Variants in LRMDA observed in about 807,000 individuals in gnomAD.
The protein encoded by LRMDA is leucine rich melanocyte differentiation associated.
A neutral mutation model predicts 29.8 loss-of-function variants in LRMDA; 18 were observed. The observed-to-expected ratio is 0.60, with a 90% CI of 0.42 to 0.90. The LOEUF (loss-of-function observed/expected upper bound fraction) is 0.90, where lower values mean the gene tolerates loss of function less well. LRMDA is among the 40% of genes least tolerant of loss of function. The pLI is 0.00. For synonymous variants in LRMDA, 125 were observed against 109.4 expected, an observed-to-expected ratio of 1.14 and a Z score of -0.89; for missense variants, 273 against 273.9, an observed-to-expected ratio of 1.00 and a Z score of 0.02.
intron 2 of LRMDA, among the ~76,000 whole-genome samples, chr10:75,444,451 T>C (rs1844366012): frequency 6.6e-6 from 1 of 152,226 alleles, no homozygotes; most frequent in Non-Finnish European, 1.5e-5. Flanking sequence ...GATCTGATTC[T>C]TCCTGCTGTG....
chr10:76,428,065 C>CT (rs979154405), intron 6 of LRMDA, among the ~76,000 whole-genome samples: 41 of 151,246 alleles, frequency 2.7e-4, no homozygotes, highest in African/African-American at 5.8e-4. Flanking sequence ...CTAAAATTCT[C>CT]TTTTTTTTTG....
intron 5 of LRMDA, among the ~76,000 whole-genome samples, chr10:76,193,627 T>C (rs904275822): frequency 1.3e-5 from 2 of 152,190 alleles, no homozygotes; most frequent in African/African-American, 2.4e-5. Context: ...TTATTTTTTA[T>C]GTACTTCTAG....
At chr10:75,799,204 C>G (rs1250927841) in intron 2 of LRMDA, among the ~76,000 whole-genome samples, 1 of 152,006 alleles carries the variant, frequency 6.6e-6, no homozygotes, top group Non-Finnish European at 1.5e-5. Flanking sequence ...TTTCTTTTAC[C>G]TCTGTCTAGT....
At chr10:75,700,430 T>C (rs1264193513) in intron 2 of LRMDA, among the ~76,000 whole-genome samples, 1 of 151,528 alleles carries the variant, frequency 6.6e-6, no homozygotes, top group African/African-American at 2.4e-5. Flanking sequence ...TTATTTCCTT[T>C]CTCATTCTTT....
intron 2 of LRMDA, among the ~76,000 whole-genome samples, chr10:75,672,526 C>T (rs1430363313): frequency 0.1 from 114 of 1,106 alleles, 2 homozygotes; most frequent in Non-Finnish European, 0.15. Flanking sequence ...TTTTCTTTTC[C>T]TCCCCTCCCC....
At chr10:76,350,447 T>A (rs1841161996) in intron 6 of LRMDA, among the ~76,000 whole-genome samples, 1 of 152,086 alleles carries the variant, frequency 6.6e-6, no homozygotes, top group African/African-American at 2.4e-5. Flanking sequence ...CCGATTTTTT[T>A]TTTTTTTGGT....
intron 5 of LRMDA, among the ~76,000 whole-genome samples, chr10:76,261,878 T>C (rs1286525083): frequency 6.6e-6 from 1 of 152,124 alleles, no homozygotes; most frequent in Admixed American, 6.5e-5. Flanking sequence ...TAGAATGACA[T>C]TTGAGCAATC....
intron 5 of LRMDA, 142 bp from the exon 6 acceptor site, chr10:76,324,259 A>C: frequency 1.3e-6 from 1 of 762,696 alleles, no homozygotes; most frequent in Non-Finnish European, 2.3e-6. Context: ...CTCAACAAAA[A>C]CAGCTCTTGC....
intron 2 of LRMDA, among the ~76,000 whole-genome samples, chr10:75,990,252 G>A (rs913793817): frequency 6.6e-6 from 1 of 152,254 alleles, no homozygotes; most frequent in African/African-American, 2.4e-5. Flanking sequence ...AAACTGCTGC[G>A]TGTCAGATTC....
chr10:75,988,412 A>C (rs1847299969), intron 2 of LRMDA, among the ~76,000 whole-genome samples: 1 of 152,030 alleles, frequency 6.6e-6, no homozygotes. Flanking sequence ...TTCTACATTC[A>C]GCATGGGGCT....
intron 6 of LRMDA, among the ~76,000 whole-genome samples, chr10:76,414,270 T>C (rs918949384): frequency 9.2e-5 from 14 of 152,216 alleles, no homozygotes; most frequent in African/African-American, 3.1e-4. Context: ...GTATCACTAA[T>C]ATTTATGAGA....
intron 5 of LRMDA, among the ~76,000 whole-genome samples, chr10:76,275,049 G>A (rs1006419927): frequency 1.3e-5 from 2 of 152,044 alleles, no homozygotes; most frequent in African/African-American, 2.4e-5. Context: ...AACTGGCTGG[G>A]CTTTCTTCTA....
chr10:75,931,037 G>A (rs577676776), intron 2 of LRMDA, among the ~76,000 whole-genome samples: 13 of 152,142 alleles, frequency 8.5e-5, no homozygotes, highest in Non-Finnish European at 1.8e-4. Flanking sequence ...GAAACCCCAA[G>A]GCATTTTCTA....
chr10:75,963,869 T>C (rs760181573), intron 2 of LRMDA, among the ~76,000 whole-genome samples: 2 of 152,226 alleles, frequency 1.3e-5, no homozygotes, highest in Admixed American at 6.5e-5. Flanking sequence ...TTATTACCAT[T>C]AAATCTGCTT....
intron 2 of LRMDA, among the ~76,000 whole-genome samples, chr10:75,969,603 C>T (rs1846929259): frequency 6.6e-6 from 1 of 152,180 alleles, no homozygotes; most frequent in South Asian, 2.1e-4. Context: ...GCCATGTTTC[C>T]TTTTTTCTTC....
chr10:75,564,260 G>C (rs1026457687), intron 2 of LRMDA, among the ~76,000 whole-genome samples: 1 of 152,266 alleles, frequency 6.6e-6, no homozygotes, highest in Non-Finnish European at 1.5e-5. Context: ...CCCCAGCCTC[G>C]CTGACGCCTT....
intron 6 of LRMDA, among the ~76,000 whole-genome samples, chr10:76,441,783 A>G (rs1318161014): frequency 6.6e-6 from 1 of 152,078 alleles, no homozygotes; most frequent in East Asian, 1.9e-4. Context: ...ATTCTTACCT[A>G]GCCTGAGGAA....
chr10:76,231,312 T>C (rs904653684), intron 5 of LRMDA, among the ~76,000 whole-genome samples: 4 of 152,236 alleles, frequency 2.6e-5, no homozygotes, highest in African/African-American at 7.2e-5. Context: ...AGATACTGCA[T>C]TGATTTCGGT....
chr10:76,137,069 G>A (rs1464653460), intron 5 of LRMDA, among the ~76,000 whole-genome samples: 1 of 152,172 alleles, frequency 6.6e-6, no homozygotes, highest in Non-Finnish European at 1.5e-5. Flanking sequence ...TGTTTATGCT[G>A]TTGCCTCCTT....
Sources: allele counts gnomAD v4.1 joint callset (sites outside exome capture counted in the v4.1 genomes callset), GRCh38; gene constraint gnomAD v4.1.1; transcripts MANE v1.5; gene names NCBI Gene and HGNC (gene_info 2026-07-23, HGNC 2026-07-21).